RNF180: variants seen among roughly 807,000 people sequenced by gnomAD.
The protein encoded by RNF180 is ring finger protein 180.
A neutral mutation model predicts 59.2 loss-of-function variants in RNF180; 38 were observed. The observed-to-expected ratio is 0.64, with a 90% CI of 0.50 to 0.84. The LOEUF (loss-of-function observed/expected upper bound fraction) is 0.84. Among genes scored for constraint, RNF180 ranks in the 40% least tolerant of loss-of-function variants. The pLI is 0.00. For missense variants in RNF180, 705 were observed against 700.9 expected, an observed-to-expected ratio of 1.01 and a Z score of -0.07; for synonymous variants, 262 against 240.3, an observed-to-expected ratio of 1.09 and a Z score of -0.84.
chr5:64,345,793 T>C (rs976821906), intron 7 of RNF180, among the ~76,000 whole-genome samples: 11 of 152,324 alleles, frequency 7.2e-5, no homozygotes, highest in African/African-American at 2.6e-4. Flanking sequence ...AACCTACTAT[T>C]ATGTCTGAGC....
chr5:64,257,325 T>C (rs1242304355), intron 5 of RNF180, among the ~76,000 whole-genome samples: 1 of 152,222 alleles, frequency 6.6e-6, no homozygotes, highest in Non-Finnish European at 1.5e-5. Context: ...TTCAGTATGA[T>C]ATTGGCTGTG....
intron 5 of RNF180, among the ~76,000 whole-genome samples, chr5:64,239,690 G>C (rs1202639298): frequency 6.6e-6 from 1 of 152,050 alleles, no homozygotes; most frequent in Non-Finnish European, 1.5e-5. Flanking sequence ...TCATGAGTCT[G>C]TTATCATTGT....
At chr5:64,364,329 G>C (rs911763463) in intron 7 of RNF180, among the ~76,000 whole-genome samples, 2 of 151,446 alleles carry the variant, frequency 1.3e-5, no homozygotes, top group African/African-American at 4.8e-5. Flanking sequence ...CATCTATTGA[G>C]ATGATGGTTA....
At chr5:64,316,554 G>T (rs1412152602) in intron 5 of RNF180, among the ~76,000 whole-genome samples, 1 of 152,138 alleles carries the variant, frequency 6.6e-6, no homozygotes, top group Non-Finnish European at 1.5e-5. Flanking sequence ...GATATTTAGG[G>T]TTTAAGGTAG....
At chr5:64,166,302 G>C (rs1749636248) in intron 1 of RNF180, 1 of 152,812 alleles carries the variant, frequency 6.5e-6, no homozygotes, top group African/African-American at 2.4e-5. Context: ...TGGGTGCCAG[G>C]GGTCCAGTAC....
chr5:64,279,964 A>G (rs1273084331), intron 5 of RNF180, among the ~76,000 whole-genome samples: 3 of 152,248 alleles, frequency 2.0e-5, no homozygotes, highest in African/African-American at 7.2e-5. Flanking sequence ...GTGGTGGTGC[A>G]CGCCTGTAGT....
At chr5:64,172,397 G>A (rs1749985888) in intron 1 of RNF180, among the ~76,000 whole-genome samples, 1 of 152,040 alleles carries the variant, frequency 6.6e-6, no homozygotes, top group South Asian at 2.1e-4. Context: ...CACAAGGAAT[G>A]GGTTTAGGAA....
intron 5 of RNF180, among the ~76,000 whole-genome samples, chr5:64,280,336 A>G (rs1330719533): frequency 6.6e-6 from 1 of 151,900 alleles, no homozygotes; most frequent in Admixed American, 6.6e-5. Context: ...ATATTTGTCA[A>G]TTTTTGTTTT....
chr5:64,277,170 G>A lies in RNF180; in HGVS notation c.1228-48016G>A, dbSNP rs529225437. Among the ~76,000 whole-genome samples the A allele has an allele frequency of 3.0e-3, 446 of 147,660 alleles. 1 individual carries two copies. Among genetic ancestry groups the A allele is most frequent in the African/African-American group, 0.011 (438 of 39,672 alleles). On this transcript the variant is annotated intron_variant, in intron 5 of 7. Transcript: ENST00000389100. ...GTTAGGATCCTAATACAATAGGATG[G>A]GTGGTCTTAAAAAAAAAAAAGGGGA...
rs77465109 is a variant in RNF180, at chr5:64,218,689, C to T, written c.1227+1293C>T. Among the ~76,000 whole-genome samples the T allele has an allele frequency of 2.8e-3, 422 of 152,242 alleles. 3 individuals are homozygous for T. Among genetic ancestry groups the T allele is most frequent in the African/African-American group, 9.5e-3 (396 of 41,560 alleles). ...TTGAAATCTTTACTATGTTGACTCTCGTAATACGTGAACATGGTATGTCTT... is the reference window on the plus strand; with the variant it reads ...TTGAAATCTTTACTATGTTGACTCTTGTAATACGTGAACATGGTATGTCTT... On this transcript the variant is annotated intron_variant, in intron 5 of 7. Transcript: ENST00000389100.
At position 64,257,780 on chromosome 5, in the gene RNF180, C is replaced by T. The variant is rs563522562; in HGVS notation, c.1227+40384C>T. 1.6e-3 allele frequency among the ~76,000 whole-genome samples: 240 copies of T among 151,852 alleles called. 1 individual carries two copies. Among genetic ancestry groups the T allele is most frequent in the African/African-American group, 5.6e-3 (233 of 41,454 alleles). On this transcript the variant is annotated intron_variant, in intron 5 of 7. Transcript: ENST00000389100. ...GATTGGAATAGTTTCAGAACCCACA[C>T]AATAATAATGGGAGACTTTAACACC...
chr5:64,176,508 A>G (rs1294934824), intron 1 of RNF180, among the ~76,000 whole-genome samples: 1 of 152,118 alleles, frequency 6.6e-6, no homozygotes, highest in Non-Finnish European at 1.5e-5. Context: ...TGATGACATC[A>G]CTATTAACAA....
intron 5 of RNF180, among the ~76,000 whole-genome samples, chr5:64,272,300 A>G (rs1741459679): frequency 6.6e-6 from 1 of 152,060 alleles, no homozygotes; most frequent in Non-Finnish European, 1.5e-5. Context: ...AGATCTAGTA[A>G]ATGAGTAGGA....
At chr5:64,298,015 T>G (rs1209717286) in intron 5 of RNF180, among the ~76,000 whole-genome samples, 1 of 151,988 alleles carries the variant, frequency 6.6e-6, no homozygotes, top group Non-Finnish European at 1.5e-5. Context: ...TAAAGTCTAG[T>G]ACCCATTAGT....
intron 1 of RNF180, among the ~76,000 whole-genome samples, chr5:64,182,115 C>T (rs925375618): frequency 1.3e-5 from 2 of 151,538 alleles, no homozygotes; most frequent in Non-Finnish European, 1.5e-5. Context: ...CTCAGCCTCC[C>T]GAGTAGCTGG....
At chr5:64,211,867 G>A (rs140285715) in intron 2 of RNF180, among the ~76,000 whole-genome samples, 198 bp from the exon 3 acceptor site, 516 of 152,184 alleles carry the variant, frequency 3.4e-3, no homozygotes, top group Middle Eastern at 0.02. Flanking sequence ...ATCACAGGTC[G>A]TTATTCCCTG....
intron 7 of RNF180, among the ~76,000 whole-genome samples, chr5:64,344,702 A>G (rs1020152906): frequency 6.6e-6 from 1 of 152,046 alleles, no homozygotes; most frequent in Admixed American, 6.6e-5. Context: ...ACTGTAGCAC[A>G]GTGGTTGCCT....
At chr5:64,221,632 T>C (rs945165006) in intron 5 of RNF180, among the ~76,000 whole-genome samples, 5 of 152,200 alleles carry the variant, frequency 3.3e-5, no homozygotes, top group African/African-American at 1.2e-4. Context: ...AATTTGGCCT[T>C]TCTGCTAACA....
chr5:64,317,621 T>TACAC (rs1162867302), intron 5 of RNF180, among the ~76,000 whole-genome samples: 28 of 110,190 alleles, frequency 2.5e-4, no homozygotes, highest in African/African-American at 1.4e-3. Context: ...CACACACATA[T>TACAC]ATACACACAC....
Sources: allele counts gnomAD v4.1 joint callset (sites outside exome capture counted in the v4.1 genomes callset), GRCh38; gene constraint gnomAD v4.1.1; transcripts MANE v1.5; gene names NCBI Gene and HGNC (gene_info 2026-07-23, HGNC 2026-07-21).